EML5: variants seen among roughly 807,000 people sequenced by gnomAD.
The protein encoded by EML5 is echinoderm microtubule-associated protein-like 5.
Under a neutral mutation model 250.0 loss-of-function variants are expected in EML5, and 120 were observed. The observed-to-expected ratio is 0.48, with a 90% CI of 0.41 to 0.56. EML5 has a LOEUF of 0.56. Ranked by LOEUF, EML5 falls within the 20% of genes least tolerant of loss-of-function variation. The pLI is 0.00. For missense variants in EML5, 2,006 were observed against 2,437.6 expected (o/e 0.82, Z 3.73); for synonymous variants, 771 against 806.5 (o/e 0.96, Z 0.75).
rs147922203 is a variant in EML5, at chr14:88,740,862, C to G, written c.526-290G>C. Among the ~76,000 whole-genome samples, 781 of 152,166 alleles carry G rather than the reference C, an allele frequency of 5.1e-3. 9 individuals are homozygous for G. The highest frequency in any genetic ancestry group is 0.018 in the African/African-American group (750 of 41,538). ...TTTCCTTAGGTTTCTGAAAAGAAAT[C>G]TACATAAAACTTAGATTAAGCCAGG... On this transcript the variant is annotated intron_variant, in intron 4 of 43. Transcript: ENST00000554922.
intron 25 of EML5, among the ~76,000 whole-genome samples, chr14:88,659,591 T>G (rs1255562853): frequency 6.6e-6 from 1 of 152,186 alleles, no homozygotes; most frequent in East Asian, 1.9e-4. Context: ...TCTCTAAGAC[T>G]GTGTGGTTCT....
intron 8 of EML5, among the ~76,000 whole-genome samples, chr14:88,715,489 A>G (rs1566686647): frequency 6.6e-6 from 1 of 152,202 alleles, no homozygotes; most frequent in Non-Finnish European, 1.5e-5. Flanking sequence ...AAGGAAATAA[A>G]GTAATAGATT....
rs61982739 is a variant in EML5, at chr14:88,792,533, G to A, written c.-30C>T. 522,455 of 1,293,218 alleles carry A rather than the reference G, an allele frequency of 0.4. 106,490 individuals are homozygous for A. The highest frequency in any genetic ancestry group is 0.58 in the East Asian group (17,861 of 30,980). The allele number at this position is 1,293,218 out of a possible 1,614,324, so 80.1% of individuals were successfully genotyped here. On this transcript the variant is annotated 5_prime_UTR_variant, in exon 1 of 44. Transcript: ENST00000554922. This position sits in a 1 kb window ranked among gnomAD's most constrained non-coding sequence, Gnocchi z 6.9. ...GGGCGCCCACCCGCCGCTCCCGCTC[G>A]GGCCCGCGGCGGCGACGGGAGGCGG...
chr14:88,711,498 C>T (rs895106825), intron 10 of EML5, among the ~76,000 whole-genome samples: 1 of 151,438 alleles, frequency 6.6e-6, no homozygotes, highest in Non-Finnish European at 1.5e-5. Context: ...ACAGGAAAAA[C>T]TACCATTTAT....
chr14:88,763,234 A>G (rs1362175422), intron 1 of EML5, among the ~76,000 whole-genome samples: 2 of 152,146 alleles, frequency 1.3e-5, no homozygotes, highest in African/African-American at 2.4e-5. Flanking sequence ...TTTTGAAAAG[A>G]TAACAAAATA....
At chr14:88,617,327 A>G (rs969988421) in intron 41 of EML5, 3 of 154,300 alleles carry the variant, frequency 1.9e-5, no homozygotes, top group South Asian at 2.0e-4. Flanking sequence ...TTGTATTTTT[A>G]GTAGAGACAG....
chr14:88,616,081 T>TAA (rs2087563813), intron 43 of EML5, 61 bp downstream of exon 43: 2 of 1,545,876 alleles, frequency 1.3e-6, no homozygotes, highest in Admixed American at 1.7e-5. Context: ...TAGGAGTTGT[T>TAA]GTATTAAGTC....
rs1272159160 is a variant in EML5 at position 88,726,535 on chromosome 14, C to T, written c.1187+6G>A. 3 of 1,602,424 alleles carry T rather than the reference C, an allele frequency of 1.9e-6. No homozygotes were observed. The highest frequency in any genetic ancestry group is 2.6e-6 in the Non-Finnish European group (3 of 1,174,394). On this transcript the variant is annotated splice_donor_region_variant and intron_variant, in intron 8 of 43. Coordinates refer to ENST00000554922, the MANE Select transcript of EML5 (RefSeq NM_183387.3). Reference sequence around the variant, plus strand: ...ATTATTATGTGTTTCTACCCTAATACCATACCTTACTCTAAGTACAGTGAA... The same window carrying T: ...ATTATTATGTGTTTCTACCCTAATATCATACCTTACTCTAAGTACAGTGAA...
chr14:88,705,856 A>T (rs2093307760), intron 11 of EML5: 1 of 594,256 alleles, frequency 1.7e-6, no homozygotes, highest in Non-Finnish European at 3.1e-6. Context: ...TGTCTGTGCA[A>T]ATATAAGTGA....
chr14:88,780,575 T>C (rs2094488035), intron 1 of EML5, among the ~76,000 whole-genome samples: 1 of 150,356 alleles, frequency 6.7e-6, no homozygotes, highest in Admixed American at 6.6e-5. Flanking sequence ...TAAAAAATCT[T>C]TTTTTTTTTC....
At chr14:88,686,062 G>A (rs1296655517) in intron 19 of EML5, among the ~76,000 whole-genome samples, 2 of 152,038 alleles carry the variant, frequency 1.3e-5, no homozygotes, top group African/African-American at 4.8e-5. Flanking sequence ...CCTGTGTTAG[G>A]GGCATATTGA....
chr14:88,625,848 A>G (rs1027095152), intron 35 of EML5: 31 of 152,268 alleles, frequency 2.0e-4, no homozygotes, highest in African/African-American at 7.0e-4. Flanking sequence ...TCCTATAAGT[A>G]TTGCATAATC....
intron 21 of EML5, among the ~76,000 whole-genome samples, chr14:88,675,465 G>A (rs1005045269): frequency 6.6e-6 from 1 of 152,238 alleles, no homozygotes; most frequent in African/African-American, 2.4e-5. Flanking sequence ...TATGGATGGA[G>A]CTGCTGGAAT....
chr14:88,764,606 C>CTG (rs2094295622), intron 1 of EML5, among the ~76,000 whole-genome samples: 1 of 152,076 alleles, frequency 6.6e-6, no homozygotes, highest in Admixed American at 6.6e-5. Flanking sequence ...TTATTTCCTA[C>CTG]TTTGTTTGTT....
At chr14:88,671,760 T>C (rs977020878) in intron 21 of EML5, among the ~76,000 whole-genome samples, 5 of 152,080 alleles carry the variant, frequency 3.3e-5, no homozygotes, top group African/African-American at 1.2e-4. Flanking sequence ...TCCTAGTTTC[T>C]AACAAAACAG....
intron 8 of EML5, among the ~76,000 whole-genome samples, chr14:88,724,031 G>A (rs2093629291): frequency 6.6e-6 from 1 of 151,888 alleles, no homozygotes; most frequent in Non-Finnish European, 1.5e-5. Flanking sequence ...AGCACTCTGG[G>A]AGGCCGAGGC....
intron 1 of EML5, among the ~76,000 whole-genome samples, chr14:88,764,771 T>A (rs989201009): frequency 2.6e-5 from 4 of 152,212 alleles, no homozygotes; most frequent in Non-Finnish European, 5.9e-5. Flanking sequence ...TATGTTGTAT[T>A]TTCACTTTCT....
intron 24 of EML5, 93 bp from the exon 25 acceptor site, chr14:88,661,923 G>A (rs530133057): frequency 8.9e-7 from 1 of 1,126,172 alleles, no homozygotes; most frequent in East Asian, 2.5e-5. Context: ...AGTTATGTGT[G>A]TCACAAGTAA....
At chr14:88,666,967 T>G (rs2092325850) in intron 21 of EML5, among the ~76,000 whole-genome samples, 1 of 151,914 alleles carries the variant, frequency 6.6e-6, no homozygotes, top group Non-Finnish European at 1.5e-5. Context: ...GTGGCAGCAG[T>G]GGAGGTGATA....
Sources: gnomAD v4.1 joint callset for allele counts (sites outside exome capture counted in the v4.1 genomes callset) on GRCh38, gnomAD v4.1.1 for gene constraint, Gnocchi (gnomAD v3.1) non-coding constraint, MANE v1.5 for transcripts, NCBI Gene and HGNC (gene_info 2026-07-23, HGNC 2026-07-21) for gene names.